ASPRV1: variants seen among roughly 807,000 people sequenced by gnomAD.
ASPRV1 encodes the protein retroviral-like aspartic protease 1.
ASPRV1 carries 7 observed loss-of-function variants against 11.0 expected under a neutral mutation model. The ratio of observed to expected loss-of-function variants is 0.64; its 90% confidence interval spans 0.36 to 1.20. The LOEUF is 1.20. Ranked by LOEUF, ASPRV1 falls within the 50% of genes most tolerant of loss-of-function variation. The pLI, the probability that ASPRV1 is intolerant of heterozygous loss-of-function variation, is 0.02. For synonymous variants in ASPRV1, 136 were observed against 138.4 expected, an observed-to-expected ratio of 0.98 and a Z score of 0.12; for missense variants, 299 against 320.0, an observed-to-expected ratio of 0.93 and a Z score of 0.50.
At chr2:69,966,876 C>T in the ASPRV1 span, among the ~76,000 whole-genome samples, 6 of 152,124 alleles carry the variant, frequency 3.9e-5, no homozygotes, top group African/African-American at 7.2e-5. Context: ...AGATGGGGGG[C>T]GGCGACAGAG....
the ASPRV1 span, among the ~76,000 whole-genome samples, chr2:69,953,408 G>T: frequency 6.6e-6 from 1 of 152,242 alleles, no homozygotes; most frequent in South Asian, 2.1e-4. Context: ...CCTAGAGAGG[G>T]AGGACATAAG....
At chr2:70,010,010 C>T in the ASPRV1 span, among the ~76,000 whole-genome samples, 2 of 152,056 alleles carry the variant, frequency 1.3e-5, no homozygotes, top group Non-Finnish European at 2.9e-5. Context: ...TGGCCGTGTC[C>T]AGCAAAACTG....
At chr2:69,963,172 G>C (rs762448155), upstream of ASPRV1, 10 of 430,818 alleles carry the variant, frequency 2.3e-5, no homozygotes, top group Middle Eastern at 7.0e-4. Context: ...GATTCAGTGA[G>C]CCAGCAGAGA....
At chr2:70,081,607 A>T in the ASPRV1 span, 1 of 152,122 alleles carries the variant, frequency 6.6e-6, no homozygotes, top group African/African-American at 2.4e-5. Flanking sequence ...TTTTTTAGAT[A>T]AGGTCTCACT....
the ASPRV1 span, among the ~76,000 whole-genome samples, chr2:69,950,844 AAAATAAATAAAT>A: frequency 4.8e-3 from 660 of 137,012 alleles, 2 homozygotes; most frequent in African/African-American, 0.015. Context: ...CTCTGTCTCA[AAAATAAATAAAT>A]AAATAAATAA....
At chr2:70,040,768 A>G in the ASPRV1 span, among the ~76,000 whole-genome samples, 1 of 151,226 alleles carries the variant, frequency 6.6e-6, no homozygotes, top group Non-Finnish European at 1.5e-5. Flanking sequence ...CGGGAGGCAG[A>G]GGTTTCAGTG....
At chr2:70,034,522 G>A in the ASPRV1 span, among the ~76,000 whole-genome samples, 26 of 151,220 alleles carry the variant, frequency 1.7e-4, no homozygotes, top group Non-Finnish European at 2.8e-4. Context: ...ACTAAGCAGG[G>A]ATTGCGCCAC....
At chr2:69,940,912 G>C in the ASPRV1 span, 1 of 152,616 alleles carries the variant, frequency 6.6e-6, no homozygotes, top group African/African-American at 2.4e-5. Flanking sequence ...GCCCTGATTC[G>C]CCAATTTGTC....
upstream of ASPRV1, chr2:69,963,413 C>G (rs1190111702): frequency 4.4e-6 from 2 of 456,728 alleles, no homozygotes; most frequent in South Asian, 3.1e-5. Flanking sequence ...TTCCCAGCTG[C>G]TGGGATGAGT....
chr2:70,073,915 C>T, the ASPRV1 span, among the ~76,000 whole-genome samples: 1 of 151,808 alleles, frequency 6.6e-6, no homozygotes, highest in South Asian at 2.1e-4. Flanking sequence ...GGGCAGATCA[C>T]GAGGTCAGGA....
At chr2:69,944,301 T>A in the ASPRV1 span, among the ~76,000 whole-genome samples, 1 of 152,240 alleles carries the variant, frequency 6.6e-6, no homozygotes, top group African/African-American at 2.4e-5. Context: ...TCCTGACTTG[T>A]TCACAGTAGC....
downstream of ASPRV1, among the ~76,000 whole-genome samples, chr2:69,958,850 C>T (rs1488960603): frequency 6.6e-6 from 1 of 152,240 alleles, no homozygotes; most frequent in Non-Finnish European, 1.5e-5. Flanking sequence ...CTCCAGTTCT[C>T]CCACCCACTT....
chr2:70,081,829 C>T, the ASPRV1 span, among the ~76,000 whole-genome samples: 2 of 152,014 alleles, frequency 1.3e-5, no homozygotes, highest in African/African-American at 2.4e-5. Context: ...AAGTGATCCT[C>T]CTGCTTCAGC....
At chr2:69,991,336 C>A in the ASPRV1 span, among the ~76,000 whole-genome samples, 3 of 152,188 alleles carry the variant, frequency 2.0e-5, no homozygotes, top group Non-Finnish European at 4.4e-5. Flanking sequence ...GAAAACCAGT[C>A]CCCTTGGGCC....
At chr2:70,022,225 C>G in the ASPRV1 span, among the ~76,000 whole-genome samples, 2 of 151,842 alleles carry the variant, frequency 1.3e-5, no homozygotes, top group Admixed American at 6.6e-5. Context: ...CCGTGTTAGC[C>G]AGGGTGGTCT....
chr2:70,038,637 G>T, the ASPRV1 span, among the ~76,000 whole-genome samples: 2 of 152,196 alleles, frequency 1.3e-5, no homozygotes, highest in Non-Finnish European at 2.9e-5. Context: ...GTAGGCTCTG[G>T]ACACACAGAA....
the ASPRV1 span, among the ~76,000 whole-genome samples, chr2:70,078,271 CATTCTAGTGGGTGGTGACATGTA>C: frequency 6.6e-6 from 1 of 152,202 alleles, no homozygotes; most frequent in Non-Finnish European, 1.5e-5. Flanking sequence ...ATGAAATTTA[CATTCTAGTGGGTGGTGACATGTA>C]ATAAACTATG....
chr2:69,986,423 T>C, the ASPRV1 span, among the ~76,000 whole-genome samples: 4 of 152,234 alleles, frequency 2.6e-5, no homozygotes, highest in African/African-American at 9.6e-5. Context: ...AATCTGCTCA[T>C]GAGGGGCTGC....
At chr2:69,933,519 C>G in the ASPRV1 span, among the ~76,000 whole-genome samples, 62 of 152,178 alleles carry the variant, frequency 4.1e-4, no homozygotes, top group African/African-American at 1.4e-3. Flanking sequence ...TAGTAAAGCC[C>G]TTGTGCTATT....
Sources: gnomAD v4.1 joint callset for allele counts (sites outside exome capture counted in the v4.1 genomes callset) on GRCh38, gnomAD v4.1.1 for gene constraint, MANE v1.5 for transcripts, NCBI Gene and HGNC (gene_info 2026-07-23, HGNC 2026-07-21) for gene names.